Variants in GOLGA6L2 observed in about 807,000 individuals in gnomAD.
GOLGA6L2 encodes golgin A6 family like 2.
GOLGA6L2 carries 30 observed loss-of-function variants against 35.9 expected under a neutral mutation model. The observed-to-expected ratio is 0.83, with a 90% confidence interval of 0.62 to 1.13. GOLGA6L2 has a LOEUF of 1.13. Among genes scored for constraint, GOLGA6L2 ranks in the 50% most tolerant of loss-of-function variants. GOLGA6L2 has a pLI of 0.00. For synonymous variants in GOLGA6L2, 297 were observed against 344.0 expected (o/e 0.86, Z 1.51); for missense variants, 821 against 973.4 (o/e 0.84, Z 2.08).
In GOLGA6L2 at chr15:23,441,483, C is replaced by T. The variant is rs769746202; in HGVS notation, c.992G>A (p.Arg331Gln). The change falls in exon 8 of 8, where the codon CGG becomes CAG. Residue 331 changes from arginine to glutamine, a missense_variant. Physicochemically the swap from Arg to Gln is conservative, Grantham distance 43 (BLOSUM62 1). Transcript: ENST00000567107. Reference sequence around the variant, plus strand: ...CTCCCGCAGCTCCTTCTCCTGCTCCCGCAGCTCCTTCTCCTGCTCTCGCAG... The same window carrying T: ...CTCCCGCAGCTCCTTCTCCTGCTCCTGCAGCTCCTTCTCCTGCTCTCGCAG... ...KRLREQEKEL[R>Q]EQEKELREQK... 25 of 1,404,472 alleles carry T rather than the reference C, an allele frequency of 1.8e-5. No individual in the cohort carries two copies. Among genetic ancestry groups the T allele is most frequent in the Middle Eastern group, 1.9e-4 (1 of 5,346 alleles). The allele number at this position is 1,404,472 out of a possible 1,614,324, so 87.0% of individuals were successfully genotyped here. A position where few individuals can be genotyped will look rare whatever the true frequency, so the allele number is the denominator to read the frequency against.
chr15:23,442,230 G>C, intron 6 of GOLGA6L2, 110 bp from the exon 7 acceptor site: 1 of 1,318,062 alleles, frequency 7.6e-7, no homozygotes, highest in Non-Finnish European at 1.0e-6. Flanking sequence ...CACTGGAAGG[G>C]ACCCCAGGAA....
In GOLGA6L2 at chr15:23,447,222, C is replaced by G. The variant is rs759743428; in HGVS notation, c.-41G>C. The G allele has an allele frequency of 3.5e-6, 4 of 1,127,128 alleles. No homozygotes were observed. Among genetic ancestry groups the G allele is most frequent in the Non-Finnish European group, 5.4e-6 (4 of 739,488 alleles). 69.8% of individuals were successfully genotyped at this position (1,127,128 alleles called of 1,614,324 possible). On this transcript the variant is annotated 5_prime_UTR_variant, in exon 1 of 8. Coordinates refer to ENST00000567107, the MANE Select transcript of GOLGA6L2 (RefSeq NM_001304388.2). Reference sequence around the variant, plus strand: ...GAGGACAAGGATACACCTCCAGTCACGTACCACGCAGCTATGTGACTGAGC... The same window carrying G: ...GAGGACAAGGATACACCTCCAGTCAGGTACCACGCAGCTATGTGACTGAGC...
In GOLGA6L2 at chr15:23,441,286, C is replaced by G; in HGVS notation, c.1189G>C (p.Glu397Gln). 2 of 1,537,530 alleles carry G rather than the reference C, an allele frequency of 1.3e-6. No homozygotes were observed. Among genetic ancestry groups the G allele is most frequent in the Non-Finnish European group, 1.7e-6 (2 of 1,146,312 alleles). The change falls in exon 8 of 8, where the codon GAG becomes CAG. Residue 397 changes from glutamate to glutamine, a missense_variant. Glu to Gln is a conservative substitution (Grantham distance 29). Coordinates refer to ENST00000567107, the MANE Select transcript of GOLGA6L2 (RefSeq NM_001304388.2). ...EQEQKMRDQE[E>Q]RMWEQDERLR... ...CTCTCGTCCTGCTCCCACATCCTCT[C>G]CTCTTGGTCCCGCATCTTCTGCTCC...
In GOLGA6L2 at chr15:23,443,890, T is replaced by C. The variant is rs1214125583; in HGVS notation, c.478A>G (p.Ile160Val). The C allele has an allele frequency of 6.5e-7, 1 of 1,542,576 alleles. No homozygotes were observed. The highest frequency in any genetic ancestry group is 1.2e-5 in the South Asian group (1 of 84,468). Residue 160 changes from isoleucine (I) to valine (V), a missense_variant, in exon 5 of 8, where the codon ATT becomes GTT. Ile to Val is a conservative substitution (Grantham distance 29). This residue lies in a region of GOLGA6L2 where 614 missense variants were observed against 632.3 expected (regional missense o/e 0.97). Transcript: ENST00000567107. ...SPLGCVSTSL[I>V]PGESKDLAGR... ...GCGAGATCCTTGGACTCTCCTGGAA[T>C]GAGAGAGGTTGAGACACAGCCCAAA...
Position 23,441,490 on chromosome 15 carries a change from CCTTCTCCTGCTCTCGCAGCCT to C in GOLGA6L2, c.964_984del (p.Arg322_Lys328del). On this transcript the variant is annotated inframe_deletion, in exon 8 of 8. Transcript: ENST00000567107. ...AGCTCCTTCTCCTGCTCCCGCAGCT[CCTTCTCCTGCTCTCGCAGCCT>C]CTTCTCCTGTCTCCGCATCTTCTCC... 1.4e-6 allele frequency: 2 copies of C among 1,394,178 alleles called. No homozygotes were observed. The highest frequency in any genetic ancestry group is 9.6e-7 in the Non-Finnish European group (1 of 1,045,976). 86.4% of individuals were successfully genotyped at this position (1,394,178 alleles called of 1,614,324 possible).
intron 2 of GOLGA6L2, 35 bp from the exon 3 acceptor site, chr15:23,444,535 G>A (rs772611528): frequency 6.3e-7 from 1 of 1,595,698 alleles, no homozygotes; most frequent in Non-Finnish European, 8.5e-7. Flanking sequence ...GACTGAGGGT[G>A]GCCCCCTGGA....
rs1263624450 is a variant in GOLGA6L2 at position 23,443,878 on chromosome 15, A to G, written c.490T>C (p.Ser164Pro). The change falls in exon 5 of 8, where the codon TCC becomes CCC. Residue 164 changes from serine to proline, a missense_variant. Physicochemically the swap from Ser to Pro is moderately conservative, Grantham distance 74. Transcript: ENST00000567107. ...CVSTSLIPGE[S>P]KDLAGRLHHS... ...TGCAAGCGGCCGGCGAGATCCTTGG[A>G]CTCTCCTGGAATGAGAGAGGTTGAG... is the stretch of plus-strand genomic sequence containing the variant. 1 of 1,542,060 alleles carries G rather than the reference A, an allele frequency of 6.5e-7. No individual in the cohort carries two copies. Among genetic ancestry groups the G allele is most frequent in the Non-Finnish European group, 8.7e-7 (1 of 1,150,442 alleles).
At chr15:23,442,535 G>A (rs765343473) in intron 5 of GOLGA6L2, 27 bp from the exon 6 acceptor site, 52 of 1,576,450 alleles carry the variant, frequency 3.3e-5, no homozygotes, top group Non-Finnish European at 4.5e-5. Flanking sequence ...GTTAAGTCAG[G>A]ACAGAGCAGG....
Position 23,444,008 on chromosome 15 carries a change from G to A in GOLGA6L2, c.360C>T (p.Tyr120=). Residue 120 remains tyrosine, a synonymous_variant, in exon 5 of 8, where the codon TAC becomes TAT. Transcript: ENST00000567107. ...CAAATTTCCTGGCAGCATCCTGGCT[G>A]TAATAGAGCGCTGTCTCCAGTTCAG... ...QKTELETALY[Y]SQDAARKFED... 1 of 1,552,404 alleles carries A rather than the reference G, an allele frequency of 6.4e-7. No homozygotes were observed. The highest frequency in any genetic ancestry group is 8.7e-7 in the Non-Finnish European group (1 of 1,155,348).
chr15:23,441,941 A>G (rs1340647539), intron 7 of GOLGA6L2, 38 bp downstream of exon 7: 24 of 1,535,464 alleles, frequency 1.6e-5, no homozygotes, highest in Non-Finnish European at 2.1e-5. Flanking sequence ...TCCTAGCTGG[A>G]TGGGTCTCCC....
chr15:23,440,067 T>C lies in GOLGA6L2; in HGVS notation c.2408A>G (p.Asp803Gly). The C allele has an allele frequency of 9.7e-7, 1 of 1,027,562 alleles. No individual in the cohort carries two copies. The allele number at this position is 1,027,562 out of a possible 1,614,324, so 63.7% of individuals were successfully genotyped here. ...CGCATCTTCTCCTCCTGCTCCCGCA[T>C]CTTCTCCTCCTGCTCCCACATCTTC... ...GGEDVGAGGE[D>G]AGAGGEDAGA... Residue 803 changes from aspartate (D) to glycine (G), a missense_variant, in exon 8 of 8, where the codon GAT (aspartate) becomes GGT (glycine). By Grantham distance (94) the Asp-to-Gly change is moderately conservative. This residue lies in a region of GOLGA6L2 where 99 missense variants were observed against 199.9 expected (regional missense o/e 0.50). Coordinates refer to ENST00000567107, the MANE Select transcript of GOLGA6L2 (RefSeq NM_001304388.2).
At chr15:23,446,986 G>T in intron 1 of GOLGA6L2, 112 bp downstream of exon 1, 1 of 606,928 alleles carries the variant, frequency 1.6e-6, no homozygotes, top group Non-Finnish European at 2.9e-6. Context: ...GCACTGGGGG[G>T]GACCCAGCCC....
At position 23,439,859 on chromosome 15, in the gene GOLGA6L2, A is replaced by ATCATCTCCTCCTGCCCCCACATCT. The variant is rs139919701; in HGVS notation, c.2615_2616insAGATGTGGGGGCAGGAGGAGATGA (p.Gly871_Asp872insGluAspValGlyAlaGlyGlyAsp). On this transcript the variant is annotated inframe_insertion, in exon 8 of 8. Transcript: ENST00000567107. ...TCGTATCCTCTCCTCCTTCTCTCGC[A>ATCATCTCCTCCTGCCCCCACATCT]TCTCCTCCTGCCCCCACATCTTCTC... The ATCATCTCCTCCTGCCCCCACATCT allele has an allele frequency of 1.4e-5, 20 of 1,388,348 alleles. 1 individual carries two copies. Among genetic ancestry groups the ATCATCTCCTCCTGCCCCCACATCT allele is most frequent in the South Asian group, 7.6e-5 (6 of 78,834 alleles). The allele number at this position is 1,388,348 out of a possible 1,614,324, so 86.0% of individuals were successfully genotyped here. A position where few individuals can be genotyped will look rare whatever the true frequency, so the allele number is the denominator to read the frequency against.
At chr15:23,444,540 C>T (rs1555365164) in intron 2 of GOLGA6L2, 40 bp from the exon 3 acceptor site, 2 of 1,591,486 alleles carry the variant, frequency 1.3e-6, no homozygotes, top group Non-Finnish European at 1.7e-6. Context: ...AGGGTGGCCC[C>T]CTGGACTCTA....
chr15:23,446,372 G>A (rs942360221), intron 1 of GOLGA6L2, among the ~76,000 whole-genome samples: 16 of 152,204 alleles, frequency 1.1e-4, no homozygotes, highest in South Asian at 2.1e-4. Flanking sequence ...GAAACTTCTC[G>A]CTGCTAGGTC....
In GOLGA6L2 at chr15:23,439,689, G is replaced by C. The variant is rs1252978392; in HGVS notation, c.*56C>G. ...TCCTGTGCAGTGGGGTTGTCCTGCG[G>C]AGAACCCTCCCCAGCCTCTCCTCCT... On this transcript the variant is annotated 3_prime_UTR_variant, in exon 8 of 8. Transcript: ENST00000567107. 2.0e-6 allele frequency: 3 copies of C among 1,537,176 alleles called. No individual in the cohort carries two copies. The African/African-American group carries it at 4.1e-5, about 21-fold the overall frequency.
At chr15:23,445,964 T>C (rs552376043) in intron 1 of GOLGA6L2, among the ~76,000 whole-genome samples, 1 of 152,302 alleles carries the variant, frequency 6.6e-6, no homozygotes, top group African/African-American at 2.4e-5. Flanking sequence ...TAATGTTTTG[T>C]CTCTCTCAAG....
rs367817202 is a variant in GOLGA6L2 at position 23,442,479 on chromosome 15, G to A, written c.621C>T (p.Asp207=). Residue 207 remains aspartate (D), a synonymous_variant, in exon 6 of 8, where the codon GAC becomes GAT. Transcript: ENST00000567107. ...TCCTGTACAGTTCCAGACTCAGGGCGTCCCTCTCCTTTGTTAACTCCTCGA... is the reference window on the plus strand; with the variant it reads ...TCCTGTACAGTTCCAGACTCAGGGCATCCCTCTCCTTTGTTAACTCCTCGA... ...RYIEELTKER[D]ALSLELYRNT... is the part of the protein sequence containing the mutation. 1.9e-4 allele frequency: 310 copies of A among 1,596,218 alleles called. No homozygotes were observed. In the Admixed American group the frequency reaches 2.2e-3, roughly 11 times the overall value.
Position 23,440,854 on chromosome 15 carries a change from C to A in GOLGA6L2, c.1621G>T (p.Glu541Ter). The A allele has an allele frequency of 6.6e-7, 1 of 1,505,316 alleles. No individual in the cohort carries two copies. Among genetic ancestry groups the A allele is most frequent in the South Asian group, 1.2e-5 (1 of 80,216 alleles). 93.2% of individuals were successfully genotyped at this position (1,505,316 alleles called of 1,614,324 possible). A position where few individuals can be genotyped will look rare whatever the true frequency, so the allele number is the denominator to read the frequency against. Reference sequence around the variant, plus strand: ...CCTCCTGTCTCCACATCTTCCTGCTCCCGCATCTTCTCCTGCCGCCACATC... The same window carrying A: ...CCTCCTGTCTCCACATCTTCCTGCTACCGCATCTTCTCCTGCCGCCACATC... ...KKMWRQEKMR[E>*]QEDVETGGEA... The change falls in exon 8 of 8, where the codon GAG becomes TAG. Residue 541 changes from glutamate to a stop codon, truncating the protein, a stop_gained. Transcript: ENST00000567107. LOFTEE classifies it low-confidence loss of function (END_TRUNC).
Sources: allele counts gnomAD v4.1 joint callset (sites outside exome capture counted in the v4.1 genomes callset), GRCh38; gene constraint gnomAD v4.1.1; regional missense constraint gnomAD v4.1.1; transcripts MANE v1.5; gene names NCBI Gene and HGNC (gene_info 2026-07-23, HGNC 2026-07-21).